Variants in CSMD3 observed in about 807,000 individuals in gnomAD.
The protein encoded by CSMD3 is CUB and sushi domain-containing protein 3.
In CSMD3, 177 loss-of-function variants were observed where a neutral mutation model predicts 435.2. The observed-to-expected ratio is 0.41, with a 90% CI of 0.36 to 0.46. The LOEUF (loss-of-function observed/expected upper bound fraction) is 0.46. Among genes scored for constraint, CSMD3 ranks in the 20% least tolerant of loss-of-function variants. CSMD3 has a pLI of 0.34. For missense variants in CSMD3, 4,265 were observed against 4,504.6 expected, an observed-to-expected ratio of 0.95 and a Z score of 1.52; for synonymous variants, 1,656 against 1,520.5, an observed-to-expected ratio of 1.09 and a Z score of -2.07.
intron 58 of CSMD3, among the ~76,000 whole-genome samples, chr8:112,286,801 T>C (rs1344095385): frequency 1.3e-5 from 2 of 152,106 alleles, no homozygotes; most frequent in South Asian, 4.1e-4. Context: ...TTTTAACAAA[T>C]ATATATTACT....
chr8:112,794,149 C>T (rs1042890446), intron 13 of CSMD3, among the ~76,000 whole-genome samples: 1 of 151,910 alleles, frequency 6.6e-6, no homozygotes, highest in Non-Finnish European at 1.5e-5. Context: ...ATGCCTCTAT[C>T]AGCAAGTTAT....
chr8:113,433,634 C>G (rs750490110), intron 1 of CSMD3, among the ~76,000 whole-genome samples: 3 of 152,222 alleles, frequency 2.0e-5, no homozygotes, highest in Non-Finnish European at 4.4e-5. Flanking sequence ...ACGCCGCACC[C>G]GGTCTCCCAC....
chr8:112,813,017 A>G (rs2079270672), intron 12 of CSMD3, among the ~76,000 whole-genome samples: 1 of 152,208 alleles, frequency 6.6e-6, no homozygotes, highest in Admixed American at 6.5e-5. Flanking sequence ...AATGTTGTAG[A>G]AAAAAACGAG....
At chr8:113,073,549 A>G (rs1164643144) in intron 5 of CSMD3, among the ~76,000 whole-genome samples, 1 of 151,856 alleles carries the variant, frequency 6.6e-6, no homozygotes, top group Non-Finnish European at 1.5e-5. Flanking sequence ...AGAATGTAAT[A>G]AAAACTTGAA....
At chr8:112,610,941 AT>A (rs1271928776) in intron 22 of CSMD3, among the ~76,000 whole-genome samples, 3 of 152,230 alleles carry the variant, frequency 2.0e-5, no homozygotes, top group Non-Finnish European at 2.9e-5. Flanking sequence ...TTCGAGTTGC[AT>A]TGAAATGCAT....
At chr8:112,576,363 A>C (rs1829944793) in intron 23 of CSMD3, among the ~76,000 whole-genome samples, 1 of 152,080 alleles carries the variant, frequency 6.6e-6, no homozygotes. Flanking sequence ...AAAATAAGTC[A>C]ACATTTAGTT....
intron 1 of CSMD3, 145 bp downstream of exon 1, chr8:113,436,532 G>C: frequency 1.2e-6 from 1 of 824,466 alleles, no homozygotes; most frequent in Admixed American, 1.8e-5. Flanking sequence ...TATCTGAGGG[G>C]GGGAGAACGA....
At chr8:112,243,934 G>A (rs1356177279) in intron 65 of CSMD3, among the ~76,000 whole-genome samples, 3 of 152,078 alleles carry the variant, frequency 2.0e-5, no homozygotes, top group African/African-American at 7.2e-5. Flanking sequence ...AAGGCTAGGA[G>A]CCAATGAATA....
intron 38 of CSMD3, among the ~76,000 whole-genome samples, chr8:112,357,240 G>A (rs1826705892): frequency 6.6e-6 from 1 of 152,140 alleles, no homozygotes; most frequent in African/African-American, 2.4e-5. Flanking sequence ...AAAGAGACTG[G>A]CAGCATTTTG....
At chr8:113,245,923 C>T (rs2093271468) in intron 3 of CSMD3, among the ~76,000 whole-genome samples, 1 of 151,918 alleles carries the variant, frequency 6.6e-6, no homozygotes, top group Non-Finnish European at 1.5e-5. Context: ...AGTCTTTCAA[C>T]CCTTTGGAAA....
intron 1 of CSMD3, among the ~76,000 whole-genome samples, chr8:113,405,287 A>T (rs1243847833): frequency 6.6e-6 from 1 of 151,564 alleles, no homozygotes; most frequent in Non-Finnish European, 1.5e-5. Context: ...TCACAAGAGG[A>T]AAAACTAGAT....
chr8:112,886,104 TTTAC>T (rs986525362), intron 10 of CSMD3, among the ~76,000 whole-genome samples: 13 of 151,780 alleles, frequency 8.6e-5, no homozygotes, highest in African/African-American at 2.4e-4. Flanking sequence ...ATTCTGTGGT[TTTAC>T]TTGTTTGTTT....
intron 11 of CSMD3, among the ~76,000 whole-genome samples, chr8:112,846,225 T>TAATTCTTTTTTAACATGTTAAAAAAGAA (rs1564019056): frequency 4.6e-5 from 7 of 151,812 alleles, no homozygotes; most frequent in Non-Finnish European, 7.4e-5. Context: ...TTAAAAAAGA[T>TAATTCTTTTTTAACATGTTAAAAAAGAA]AATTCTTTTT....
At chr8:112,571,422 T>C (rs535754077) in intron 24 of CSMD3, among the ~76,000 whole-genome samples, 61 of 152,270 alleles carry the variant, frequency 4.0e-4, no homozygotes, top group African/African-American at 1.4e-3. Context: ...ATCTTACTCA[T>C]TCCAGTCACC....
At position 113,187,148 on chromosome 8, in the gene CSMD3, TTTCTTC is replaced by T. The variant is rs547503245; in HGVS notation, c.515-13238_515-13233del. Among the ~76,000 whole-genome samples the T allele has an allele frequency of 7.9e-5, 12 of 151,566 alleles. No individual in the cohort carries two copies. The South Asian group carries it at 1.5e-3, about 18-fold the overall frequency. On this transcript the variant is annotated intron_variant, in intron 3 of 70. Transcript: ENST00000297405. ...TTTCACTTTGCTGGGAGTTTTTTTT[TTTCTTC>T]TTCTTCTTCTTCTTCTTTTCCTTTT...
chr8:112,578,794 T>C (rs766772222), intron 23 of CSMD3, among the ~76,000 whole-genome samples: 5 of 152,028 alleles, frequency 3.3e-5, no homozygotes, highest in South Asian at 4.1e-4. Flanking sequence ...GGAGCAGCCA[T>C]AGACAATATG....
At chr8:113,296,795 G>A (rs187048979) in intron 2 of CSMD3, among the ~76,000 whole-genome samples, 1 of 152,000 alleles carries the variant, frequency 6.6e-6, no homozygotes, top group Non-Finnish European at 1.5e-5. Context: ...CAGAAAACCA[G>A]CCAACATTGT....
chr8:112,675,834 G>C (rs1209967524), intron 16 of CSMD3, among the ~76,000 whole-genome samples: 1 of 152,096 alleles, frequency 6.6e-6, no homozygotes, highest in Non-Finnish European at 1.5e-5. Context: ...AGAGCAGTTA[G>C]GGGGCTACGG....
At chr8:112,302,537 C>T (rs944872984) in intron 52 of CSMD3, among the ~76,000 whole-genome samples, 4 of 151,984 alleles carry the variant, frequency 2.6e-5, no homozygotes, top group Admixed American at 2.0e-4. Flanking sequence ...ATTTAACTGG[C>T]TTGCTGGGTC....
Sources: allele counts gnomAD v4.1 joint callset (sites outside exome capture counted in the v4.1 genomes callset), GRCh38; gene constraint gnomAD v4.1.1; transcripts MANE v1.5; gene names NCBI Gene and HGNC (gene_info 2026-07-23, HGNC 2026-07-21).